The following SPEF2 variants were observed in gnomAD, a reference collection of about 807,000 sequenced individuals.
SPEF2 encodes sperm flagellar and cilia associated 2.
In SPEF2, 187 loss-of-function variants were observed where a neutral mutation model predicts 224.6. That is an observed-to-expected ratio of 0.83 (90% confidence interval 0.74 to 0.94). The LOEUF (loss-of-function observed/expected upper bound fraction) is 0.94. Among genes scored for constraint, SPEF2 ranks in the 40% least tolerant of loss-of-function variants. The pLI, the probability that SPEF2 is intolerant of heterozygous loss-of-function variation, is 0.00. For synonymous variants in SPEF2, 715 were observed against 707.3 expected (o/e 1.01, Z -0.17); for missense variants, 2,170 against 2,135.6 (o/e 1.02, Z -0.32).
intron 23 of SPEF2, among the ~76,000 whole-genome samples, chr5:35,742,642 A>C (rs1580539618): frequency 6.6e-6 from 1 of 151,820 alleles, no homozygotes; most frequent in African/African-American, 2.4e-5. Context: ...TTTTCTCCTA[A>C]GTTTAATGGT....
At chr5:35,649,261 TTAG>T in intron 5 of SPEF2, 97 bp from the exon 6 acceptor site, 1 of 949,116 alleles carries the variant, frequency 1.1e-6, no homozygotes, top group Non-Finnish European at 1.6e-6. Flanking sequence ...TTACCTTGAA[TTAG>T]TAGTACTTGT....
chr5:35,640,258 C>T (rs1339741029), intron 2 of SPEF2, among the ~76,000 whole-genome samples: 1 of 152,084 alleles, frequency 6.6e-6, no homozygotes, highest in African/African-American at 2.4e-5. Flanking sequence ...AAATCTGTAG[C>T]CCAAGGTTAT....
chr5:35,808,155 G>T (rs1002906835), intron 36 of SPEF2: 7 of 984,654 alleles, frequency 7.1e-6, no homozygotes, highest in Non-Finnish European at 8.4e-6. Context: ...GTGCCTAAAC[G>T]TTTTTGTTCT....
chr5:35,619,335 GA>G (rs1486850013), intron 1 of SPEF2, among the ~76,000 whole-genome samples: 2 of 152,136 alleles, frequency 1.3e-5, no homozygotes. Flanking sequence ...TCTTCTAAAA[GA>G]AAAGCAGTTA....
At chr5:35,701,971 C>A (rs1738731180) in intron 16 of SPEF2, among the ~76,000 whole-genome samples, 1 of 151,960 alleles carries the variant, frequency 6.6e-6, no homozygotes, top group African/African-American at 2.4e-5. Flanking sequence ...AGAGTGAGAC[C>A]CTGTCTCCAA....
intron 1 of SPEF2, among the ~76,000 whole-genome samples, chr5:35,620,531 CAAATAA>C (rs1395593626): frequency 6.6e-6 from 1 of 152,032 alleles, no homozygotes; most frequent in Non-Finnish European, 1.5e-5. Context: ...CAGCATCTAT[CAAATAA>C]AAATAAAAGC....
At chr5:35,695,709 G>C in intron 13 of SPEF2, 26 bp from the exon 14 acceptor site, 1 of 1,594,722 alleles carries the variant, frequency 6.3e-7, no homozygotes, top group Non-Finnish European at 8.6e-7. Context: ...CCAGAAATTT[G>C]TTCTTACCAC....
At chr5:35,745,756 AG>A (rs1209616419) in intron 23 of SPEF2, among the ~76,000 whole-genome samples, 1 of 152,190 alleles carries the variant, frequency 6.6e-6, no homozygotes, top group Non-Finnish European at 1.5e-5. Context: ...TGGAAGACAA[AG>A]GGCATATAAT....
intron 30 of SPEF2, chr5:35,781,727 G>A (rs1189191296): frequency 6.6e-6 from 1 of 152,132 alleles, no homozygotes; most frequent in Non-Finnish European, 1.5e-5. Context: ...TGGGCAAACA[G>A]TTTAAACTCT....
intron 36 of SPEF2, among the ~76,000 whole-genome samples, chr5:35,813,491 C>T (rs1005040103): frequency 8.6e-5 from 13 of 151,966 alleles, no homozygotes; most frequent in Non-Finnish European, 1.9e-4. Context: ...AACTCTATTT[C>T]TAAAAAAAAT....
At chr5:35,619,937 C>G (rs1743268796) in intron 1 of SPEF2, among the ~76,000 whole-genome samples, 1 of 152,026 alleles carries the variant, frequency 6.6e-6, no homozygotes, top group Non-Finnish European at 1.5e-5. Context: ...ATAGAAAATT[C>G]CTGGCGTCTG....
rs752419799 is a variant in SPEF2 at position 35,793,329 on chromosome 5, G to A, written c.4725G>A (p.Glu1575=). The A allele has an allele frequency of 6.2e-6, 10 of 1,611,698 alleles. No homozygotes were observed. In the South Asian group the frequency reaches 9.9e-5, roughly 16 times the overall value. ...AGCAGTTGGGCACCATCACTTTTGAGCAGTATATGCAGGTTGTTACCAGCA... is the reference window on the plus strand; with the variant it reads ...AGCAGTTGGGCACCATCACTTTTGAACAGTATATGCAGGTTGTTACCAGCA... ...DKEQLGTITF[E]QYMQAGLWFT... Residue 1575 remains glutamate, a synonymous_variant, in exon 32 of 37, where the codon GAG becomes GAA. Transcript: ENST00000356031.
At chr5:35,685,011 A>T (rs1021586805) in intron 10 of SPEF2, among the ~76,000 whole-genome samples, 2 of 152,220 alleles carry the variant, frequency 1.3e-5, no homozygotes, top group African/African-American at 4.8e-5. Flanking sequence ...ATGAAAGCAG[A>T]AGCAAGTAAT....
chr5:35,705,899 G>T, intron 18 of SPEF2, 91 bp downstream of exon 18: 5 of 829,070 alleles, frequency 6.0e-6, no homozygotes, highest in Non-Finnish European at 8.8e-6. Flanking sequence ...TGATTGAAAA[G>T]TTCTTTCTTA....
chr5:35,717,226 G>T (rs1742747359), intron 20 of SPEF2, among the ~76,000 whole-genome samples: 1 of 152,074 alleles, frequency 6.6e-6, no homozygotes, highest in Non-Finnish European at 1.5e-5. Context: ...CATTTCAAAG[G>T]GAGCAGGAGA....
chr5:35,724,522 T>G, intron 20 of SPEF2, among the ~76,000 whole-genome samples: 1 of 152,290 alleles, frequency 6.6e-6, no homozygotes, highest in African/African-American at 2.4e-5. Flanking sequence ...CAAAAGAACA[T>G]TTATCAATAT....
chr5:35,725,003 G>A (rs1453878060), intron 20 of SPEF2, among the ~76,000 whole-genome samples: 1 of 152,164 alleles, frequency 6.6e-6, no homozygotes, highest in African/African-American at 2.4e-5. Flanking sequence ...TCTACGCAGA[G>A]TAACAGCATA....
chr5:35,787,382 A>G (rs1183857707), intron 30 of SPEF2, among the ~76,000 whole-genome samples: 2 of 151,910 alleles, frequency 1.3e-5, no homozygotes, highest in Non-Finnish European at 2.9e-5. Flanking sequence ...TGTATGCTCT[A>G]TTATTCCTTT....
intron 15 of SPEF2, chr5:35,699,147 C>T (rs539404511): frequency 3.1e-4 from 47 of 152,228 alleles, no homozygotes; most frequent in African/African-American, 1.1e-3. Context: ...TTTCCTTTAA[C>T]TTCTGTTTTC....
Sources: allele counts gnomAD v4.1 joint callset (sites outside exome capture counted in the v4.1 genomes callset), GRCh38; gene constraint gnomAD v4.1.1; transcripts MANE v1.5; gene names NCBI Gene and HGNC (gene_info 2026-07-23, HGNC 2026-07-21).